STARD13: variants seen among roughly 807,000 people sequenced by gnomAD.
The protein encoded by STARD13 is stAR-related lipid transfer protein 13.
STARD13 carries 62 observed loss-of-function variants against 106.4 expected under a neutral mutation model. The observed-to-expected ratio is 0.58, with a 90% CI of 0.48 to 0.72. STARD13 has a LOEUF of 0.72. STARD13 is among the 30% of genes least tolerant of loss of function. The probability of loss-of-function intolerance (pLI) is 0.00; values close to 1 mark genes in which losing one functional copy is unlikely to be tolerated. For missense variants in STARD13, 1,387 were observed against 1,424.0 expected (o/e 0.97, Z 0.42); for synonymous variants, 565 against 553.0 (o/e 1.02, Z -0.31).
intron 3 of STARD13, among the ~76,000 whole-genome samples, chr13:33,163,513 C>G (rs1029492668): frequency 7.4e-5 from 11 of 149,036 alleles, no homozygotes; most frequent in Non-Finnish European, 8.9e-5. Flanking sequence ...TCATTTGAAC[C>G]CAGGAGGTAA....
chr13:33,412,853 C>A, the STARD13 span, among the ~76,000 whole-genome samples: 1 of 152,078 alleles, frequency 6.6e-6, no homozygotes, highest in East Asian at 1.9e-4. Flanking sequence ...GGCAAATCTA[C>A]AATTATAACT....
chr13:33,666,994 A>G, the STARD13 span, among the ~76,000 whole-genome samples: 1 of 152,268 alleles, frequency 6.6e-6, no homozygotes, highest in Admixed American at 6.5e-5. Flanking sequence ...GACAGAATTT[A>G]CTTCCGTTAA....
intron 3 of STARD13, among the ~76,000 whole-genome samples, chr13:33,143,826 C>T (rs1210834342): frequency 1.3e-5 from 2 of 152,220 alleles, no homozygotes; most frequent in African/African-American, 4.8e-5. Flanking sequence ...GCTGGGATTA[C>T]AGGCGTGAGC....
the STARD13 span, among the ~76,000 whole-genome samples, chr13:33,516,909 C>T: frequency 6.8e-6 from 1 of 146,784 alleles, no homozygotes; most frequent in Non-Finnish European, 1.5e-5. Flanking sequence ...ACACTGTACT[C>T]CAGCATGGGC....
chr13:33,623,729 C>T, the STARD13 span, among the ~76,000 whole-genome samples: 8 of 152,048 alleles, frequency 5.3e-5, no homozygotes, highest in Middle Eastern at 3.4e-3. Context: ...TTTACATCTA[C>T]GTATTTAATT....
the STARD13 span, among the ~76,000 whole-genome samples, chr13:33,598,221 G>A: frequency 0.036 from 5,528 of 152,120 alleles, 257 homozygotes; most frequent in African/African-American, 0.099. Context: ...GGCTCCCTTC[G>A]AACTTAGTAT....
At chr13:33,127,834 G>C (rs1044114496) in intron 5 of STARD13, among the ~76,000 whole-genome samples, 13 of 101,806 alleles carry the variant, frequency 1.3e-4, no homozygotes, top group African/African-American at 3.5e-4. Context: ...AAAGTGTTGA[G>C]AGCAAGCTGA....
chr13:33,582,542 G>C, the STARD13 span, among the ~76,000 whole-genome samples: 1 of 152,218 alleles, frequency 6.6e-6, no homozygotes, highest in East Asian at 1.9e-4. Context: ...GTATATCTAC[G>C]AATACCTGTT....
chr13:33,578,879 C>A, the STARD13 span, among the ~76,000 whole-genome samples: 2 of 151,836 alleles, frequency 1.3e-5, no homozygotes, highest in African/African-American at 4.8e-5. Context: ...ATATAAATAG[C>A]CAACAAAAAT....
the STARD13 span, among the ~76,000 whole-genome samples, chr13:33,646,961 G>A: frequency 6.6e-6 from 1 of 151,918 alleles, no homozygotes; most frequent in Non-Finnish European, 1.5e-5. Context: ...ATACACATTG[G>A]GTTCTCCTTT....
chr13:33,223,116 T>G (rs1379112335), intron 1 of STARD13, among the ~76,000 whole-genome samples: 5 of 152,220 alleles, frequency 3.3e-5, no homozygotes, highest in Non-Finnish European at 5.9e-5. Context: ...ACAACTTTGG[T>G]GGAAGTCATC....
At chr13:33,415,992 A>T in the STARD13 span, among the ~76,000 whole-genome samples, 1 of 152,198 alleles carries the variant, frequency 6.6e-6, no homozygotes, top group Admixed American at 6.5e-5. Flanking sequence ...AGAATAAGAA[A>T]ATGATCATGT....
chr13:33,310,545 A>G (rs1310342649), intron 1 of STARD13, among the ~76,000 whole-genome samples: 2 of 152,204 alleles, frequency 1.3e-5, no homozygotes, highest in East Asian at 3.8e-4. Context: ...TTTATTATAA[A>G]AAAATAACAA....
chr13:33,287,591 C>T (rs1367352142), upstream of STARD13, among the ~76,000 whole-genome samples: 3 of 136,224 alleles, frequency 2.2e-5, no homozygotes, highest in Non-Finnish European at 4.8e-5. Flanking sequence ...AGGAACTGCT[C>T]GGCAGAAGCT....
chr13:33,507,605 C>T, the STARD13 span, among the ~76,000 whole-genome samples: 1 of 152,114 alleles, frequency 6.6e-6, no homozygotes, highest in African/African-American at 2.4e-5. Context: ...GAACAAGGCA[C>T]ATGTTAGGGG....
chr13:33,498,237 T>G, the STARD13 span, among the ~76,000 whole-genome samples: 1 of 152,170 alleles, frequency 6.6e-6, no homozygotes, highest in East Asian at 1.9e-4. Context: ...AACCTTCAAT[T>G]ATAAGAACTT....
At chr13:33,374,281 G>A in the STARD13 span, among the ~76,000 whole-genome samples, 2 of 152,142 alleles carry the variant, frequency 1.3e-5, no homozygotes, top group Admixed American at 6.5e-5. Context: ...TCCAGGGGCT[G>A]GGGAATGGGA....
chr13:33,356,048 C>T, the STARD13 span, among the ~76,000 whole-genome samples: 206 of 152,342 alleles, frequency 1.4e-3, no homozygotes, highest in Non-Finnish European at 2.2e-3. Context: ...ATATCATGGT[C>T]ATCAACTTTA....
the STARD13 span, among the ~76,000 whole-genome samples, chr13:33,648,453 C>T: frequency 6.6e-6 from 1 of 152,182 alleles, no homozygotes; most frequent in Non-Finnish European, 1.5e-5. Context: ...AGTTACTTTA[C>T]TTTTTTTCGT....
Sources: allele counts gnomAD v4.1 joint callset (sites outside exome capture counted in the v4.1 genomes callset), GRCh38; gene constraint gnomAD v4.1.1; transcripts MANE v1.5; gene names NCBI Gene and HGNC (gene_info 2026-07-23, HGNC 2026-07-21).